Variants in TENM2 observed in about 807,000 individuals in gnomAD.
The protein encoded by TENM2 is teneurin-2.
A neutral mutation model predicts 245.2 loss-of-function variants in TENM2; 52 were observed. The ratio of observed to expected loss-of-function variants is 0.21; its 90% CI spans 0.17 to 0.27. The LOEUF (loss-of-function observed/expected upper bound fraction) is 0.27. TENM2 is among the 10% of genes least tolerant of loss of function. The pLI is 1.00. For synonymous variants in TENM2, 1,363 were observed against 1,438.9 expected, an observed-to-expected ratio of 0.95 and a Z score of 1.19; for missense variants, 3,046 against 3,666.8, an observed-to-expected ratio of 0.83 and a Z score of 4.37.
At chr5:167,544,741 A>G (rs971070672) in intron 2 of TENM2, among the ~76,000 whole-genome samples, 2 of 152,256 alleles carry the variant, frequency 1.3e-5, no homozygotes, top group African/African-American at 2.4e-5. Context: ...GGAGTCAGAA[A>G]TAATAAAACT....
chr5:167,337,305 C>T (rs889702496), intron 1 of TENM2, among the ~76,000 whole-genome samples: 3 of 152,060 alleles, frequency 2.0e-5, no homozygotes, highest in African/African-American at 7.2e-5. Context: ...AAATTAAACT[C>T]TATCAACATA....
At chr5:168,238,981 G>T (rs1765851934) in intron 25 of TENM2, among the ~76,000 whole-genome samples, 1 of 152,178 alleles carries the variant, frequency 6.6e-6, no homozygotes, top group South Asian at 2.1e-4. Context: ...GATCCCGGCA[G>T]TGAAAATAAT....
intron 5 of TENM2, among the ~76,000 whole-genome samples, chr5:168,000,945 G>A (rs1211503400): frequency 1.8e-5 from 1 of 54,542 alleles, no homozygotes; most frequent in Admixed American, 2.0e-4. Context: ...TGCACACCAG[G>A]TCCAATGAGA....
At chr5:167,389,145 A>G (rs1411934586) in intron 2 of TENM2, among the ~76,000 whole-genome samples, 1 of 151,792 alleles carries the variant, frequency 6.6e-6, no homozygotes, top group East Asian at 1.9e-4. Flanking sequence ...CCAAAGTAAG[A>G]TATCTATATG....
the TENM2 span, among the ~76,000 whole-genome samples, chr5:167,024,407 TCTC>T: frequency 3.3e-5 from 5 of 152,266 alleles, no homozygotes; most frequent in African/African-American, 1.2e-4. Context: ...AATCCTCTCT[TCTC>T]CTACAGTTTG....
chr5:168,255,123 A>G (rs1360452587), intron 27 of TENM2, among the ~76,000 whole-genome samples: 1 of 151,992 alleles, frequency 6.6e-6, no homozygotes, highest in African/African-American at 2.4e-5. Flanking sequence ...TTCCCTACAT[A>G]CCCTATCCCT....
intron 2 of TENM2, among the ~76,000 whole-genome samples, chr5:167,408,330 C>G (rs573670033): frequency 2.6e-5 from 4 of 152,084 alleles, no homozygotes; most frequent in Non-Finnish European, 5.9e-5. Context: ...ATGTCTAACT[C>G]ACCTCAGGGT....
the TENM2 span, among the ~76,000 whole-genome samples, chr5:167,255,630 G>C: frequency 2.0e-3 from 305 of 152,132 alleles, 4 homozygotes; most frequent in African/African-American, 6.8e-3. Flanking sequence ...ATTTTTTGTG[G>C]CCCTGATTTT....
At chr5:167,446,090 G>A (rs547698695) in intron 2 of TENM2, among the ~76,000 whole-genome samples, 19 of 152,174 alleles carry the variant, frequency 1.2e-4, no homozygotes, top group African/African-American at 4.3e-4. Flanking sequence ...TCTTGTTTCC[G>A]GGTAATCACT....
intron 7 of TENM2, among the ~76,000 whole-genome samples, chr5:168,086,175 C>T (rs376263905): frequency 7.9e-5 from 12 of 152,170 alleles, no homozygotes; most frequent in African/African-American, 2.9e-4. Flanking sequence ...CCGGTCCCTG[C>T]CTGTGGCCAC....
intron 2 of TENM2, among the ~76,000 whole-genome samples, chr5:167,821,581 G>A (rs1561818985): frequency 1.3e-5 from 2 of 152,146 alleles, no homozygotes; most frequent in South Asian, 2.1e-4. Context: ...AACATGATCC[G>A]ATAGTTCCAT....
At chr5:167,422,538 C>T (rs962585677) in intron 2 of TENM2, among the ~76,000 whole-genome samples, 4 of 152,190 alleles carry the variant, frequency 2.6e-5, no homozygotes, top group Admixed American at 6.5e-5. Flanking sequence ...CAGGCAGCCT[C>T]TCTGTCCACA....
intron 1 of TENM2, among the ~76,000 whole-genome samples, chr5:167,372,043 G>A (rs1760470033): frequency 1.3e-5 from 2 of 152,010 alleles, no homozygotes; most frequent in South Asian, 4.2e-4. Context: ...TGGTGGCATT[G>A]GCAAGGAGTG....
At chr5:167,358,883 A>G (rs1759522795) in intron 1 of TENM2, among the ~76,000 whole-genome samples, 1 of 151,070 alleles carries the variant, frequency 6.6e-6, no homozygotes, top group South Asian at 2.1e-4. Context: ...CCCCATCTCA[A>G]TAGATAGTAA....
chr5:167,776,510 G>A (rs1763785807), intron 2 of TENM2, among the ~76,000 whole-genome samples: 1 of 139,136 alleles, frequency 7.2e-6, no homozygotes, highest in South Asian at 2.5e-4. Context: ...TGGGAAGATT[G>A]CTTGGGCCTG....
chr5:167,084,460 CAAT>C, the TENM2 span, among the ~76,000 whole-genome samples: 1 of 147,780 alleles, frequency 6.8e-6, no homozygotes, highest in African/African-American at 2.5e-5. Flanking sequence ...ACCATAACAA[CAAT>C]AATAATACAT....
intron 2 of TENM2, among the ~76,000 whole-genome samples, chr5:167,785,921 G>A (rs1764546120): frequency 6.6e-6 from 1 of 152,150 alleles, no homozygotes; most frequent in South Asian, 2.1e-4. Flanking sequence ...TAAAGCATGA[G>A]TGGGGTGGGG....
At chr5:168,205,883 G>A (rs1462719427) in intron 19 of TENM2, among the ~76,000 whole-genome samples, 1 of 152,160 alleles carries the variant, frequency 6.6e-6, no homozygotes, top group Admixed American at 6.5e-5. Context: ...GTAGATTGTA[G>A]GACTGCAGGA....
In TENM2 at chr5:168,009,008, A is replaced by T. The variant is rs1785027226; in HGVS notation, c.1186+15826A>T. Among the ~76,000 whole-genome samples, 3 of 152,236 alleles carry T rather than the reference A, an allele frequency of 2.0e-5. No homozygotes were observed. In the South Asian group the frequency reaches 6.2e-4, roughly 32 times the overall value. ...TTTTGTATGGAAGTCTATAGAGAAA[A>T]AGGAGAGCAGAATTGGGTAAAAACT... On this transcript the variant is annotated intron_variant, in intron 5 of 28. Coordinates refer to ENST00000518659, the Ensembl canonical transcript of TENM2.
Sources: allele counts gnomAD v4.1 joint callset (sites outside exome capture counted in the v4.1 genomes callset), GRCh38; gene constraint gnomAD v4.1.1; transcripts MANE v1.5; gene names NCBI Gene and HGNC (gene_info 2026-07-23, HGNC 2026-07-21).